CMPK1: variants seen among roughly 807,000 people sequenced by gnomAD.
CMPK1 encodes UMP-CMP kinase.
Under a neutral mutation model 25.7 loss-of-function variants are expected in CMPK1, and 10 were observed. The ratio of observed to expected loss-of-function variants is 0.39; its 90% CI spans 0.24 to 0.66. The LOEUF (loss-of-function observed/expected upper bound fraction) is 0.66. Ranked by LOEUF, CMPK1 falls within the 30% of genes least tolerant of loss-of-function variation. The pLI is 0.48. For synonymous variants in CMPK1, 106 were observed against 101.5 expected, an observed-to-expected ratio of 1.04 and a Z score of -0.27; for missense variants, 199 against 280.5, an observed-to-expected ratio of 0.71 and a Z score of 2.08.
chr1:47,348,085 T>C lies in CMPK1; in HGVS notation c.171+13969T>C, dbSNP rs115227626. On this transcript the variant is annotated intron_variant, in intron 1 of 5. Transcript: ENST00000371873. The stretch of plus-strand genomic sequence containing the variant: ...GCTAATGCAAAAGGATTGTAATCAC[T>C]GAAGACCTCCAAAAGTCACGTAGGA... Among the ~76,000 whole-genome samples the C allele has an allele frequency of 8.0e-3, 1,211 of 152,268 alleles. 13 individuals carry two copies. The highest frequency in any genetic ancestry group is 0.027 in the African/African-American group (1,136 of 41,574).
chr1:47,376,586 G>T, intron 5 of CMPK1, 118 bp from the exon 6 acceptor site: 1 of 561,900 alleles, frequency 1.8e-6, no homozygotes, highest in South Asian at 2.3e-5. Context: ...AAAGTGCTGG[G>T]ATTACAGATG....
At chr1:47,359,181 T>A (rs1038470957) in intron 1 of CMPK1, among the ~76,000 whole-genome samples, 2 of 151,566 alleles carry the variant, frequency 1.3e-5, no homozygotes, top group Admixed American at 6.6e-5. Flanking sequence ...GCCTGGCATG[T>A]TGGCGGGCGC....
chr1:47,370,008 G>A (rs1570379847), intron 2 of CMPK1, among the ~76,000 whole-genome samples: 1 of 125,158 alleles, frequency 8.0e-6, no homozygotes. Context: ...TCCGCCTCCT[G>A]GGTTCACGCC....
intron 1 of CMPK1, among the ~76,000 whole-genome samples, chr1:47,357,460 G>A (rs1646569423): frequency 6.7e-6 from 1 of 149,084 alleles, no homozygotes; most frequent in African/African-American, 2.5e-5. Flanking sequence ...CTGTGATAAC[G>A]TGATAATGGC....
intron 1 of CMPK1, among the ~76,000 whole-genome samples, chr1:47,357,038 A>G (rs557394851): frequency 6.9e-6 from 1 of 144,284 alleles, no homozygotes; most frequent in Non-Finnish European, 1.5e-5. Context: ...ATCTCGGCTC[A>G]CTATAAGCTC....
intron 1 of CMPK1, among the ~76,000 whole-genome samples, chr1:47,349,899 G>A (rs949903877): frequency 8.6e-5 from 13 of 152,008 alleles, no homozygotes; most frequent in Non-Finnish European, 1.3e-4. Context: ...TCCGCCTCCC[G>A]GTTCAAGTGA....
intron 1 of CMPK1, among the ~76,000 whole-genome samples, chr1:47,367,524 C>T (rs1646647683): frequency 6.6e-6 from 1 of 152,158 alleles, no homozygotes; most frequent in African/African-American, 2.4e-5. Flanking sequence ...CAAATCTTAA[C>T]ATCGAAGCTA....
At chr1:47,373,623 C>T (rs183390755) in intron 3 of CMPK1, among the ~76,000 whole-genome samples, 2 of 152,122 alleles carry the variant, frequency 1.3e-5, no homozygotes, top group Middle Eastern at 3.4e-3. Context: ...TGGTGAAACC[C>T]CTTCTCTACT....
chr1:47,365,271 CT>C (rs34324996), intron 1 of CMPK1, among the ~76,000 whole-genome samples: 35,226 of 137,072 alleles, frequency 0.26, 4,334 homozygotes, highest in Non-Finnish European at 0.31. Flanking sequence ...CCCTGAAGAT[CT>C]TTTTTTTTTT....
chr1:47,340,820 A>G lies in CMPK1; in HGVS notation c.171+6704A>G, dbSNP rs1646436436. On this transcript the variant is annotated intron_variant, in intron 1 of 5. Coordinates refer to ENST00000371873, the MANE Select transcript of CMPK1 (RefSeq NM_016308.3). ...GCCCGGCTAATTTTGTATTTTTAGTAGAGACGGGGTTTCTCCATGTTGGTC... is the reference window on the plus strand; with the variant it reads ...GCCCGGCTAATTTTGTATTTTTAGTGGAGACGGGGTTTCTCCATGTTGGTC... Among the ~76,000 whole-genome samples, 4 of 152,086 alleles carry G rather than the reference A, an allele frequency of 2.6e-5. No homozygotes were observed. The South Asian group carries it at 8.3e-4, about 32-fold the overall frequency.
At chr1:47,372,829 A>G in intron 2 of CMPK1, 126 bp from the exon 3 acceptor site, 1 of 476,198 alleles carries the variant, frequency 2.1e-6, no homozygotes, top group Non-Finnish European at 3.3e-6. Context: ...TTTTTTTGCT[A>G]TGTACCCTCC....
chr1:47,339,602 C>T (rs1646423982), intron 1 of CMPK1, among the ~76,000 whole-genome samples: 1 of 151,534 alleles, frequency 6.6e-6, no homozygotes, highest in South Asian at 2.1e-4. Context: ...TTTAAAAATT[C>T]GATCCCCAGA....
In CMPK1 at chr1:47,356,605, T is replaced by TAATCTATAG. The variant is rs1168835340; in HGVS notation, c.172-11864_172-11863insAATCTATAG. On this transcript the variant is annotated intron_variant, in intron 1 of 5. Coordinates refer to ENST00000371873, the MANE Select transcript of CMPK1 (RefSeq NM_016308.3). ...AAGTTGCCATAAGTTTATAGATTAATTTGTGGAAAACTGAATAATTACAGT... is the reference window on the plus strand; with the variant it reads ...AAGTTGCCATAAGTTTATAGATTAATAATCTATAGTTGTGGAAAACTGAATAATTACAGT... Among the ~76,000 whole-genome samples, 1,112 of 152,306 alleles carry TAATCTATAG rather than the reference T, an allele frequency of 7.3e-3. 4 individuals are homozygous for TAATCTATAG. Among genetic ancestry groups the TAATCTATAG allele is most frequent in the East Asian group, 0.03 (158 of 5,192 alleles).
intron 1 of CMPK1, chr1:47,358,901 A>G (rs1380994078): frequency 1.0e-6 from 1 of 985,310 alleles, no homozygotes. Flanking sequence ...TGATTATTTC[A>G]TGAAGAGGAT....
chr1:47,371,380 A>G (rs1027844765), intron 2 of CMPK1, among the ~76,000 whole-genome samples: 3 of 152,160 alleles, frequency 2.0e-5, no homozygotes, highest in Non-Finnish European at 4.4e-5. Flanking sequence ...TCCACTCTCT[A>G]CTTTTCAACC....
At chr1:47,367,015 C>T (rs1295872963) in intron 1 of CMPK1, among the ~76,000 whole-genome samples, 4 of 152,116 alleles carry the variant, frequency 2.6e-5, no homozygotes, top group African/African-American at 9.7e-5. Context: ...TGTGAGCCAC[C>T]GCACCCAGCC....
At chr1:47,342,923 C>T (rs1278225388) in intron 1 of CMPK1, among the ~76,000 whole-genome samples, 1 of 151,762 alleles carries the variant, frequency 6.6e-6, no homozygotes, top group Admixed American at 6.6e-5. Context: ...GCTAGGATTA[C>T]AGGCATAAGC....
At chr1:47,334,327 C>A (rs4600090) in intron 1 of CMPK1, among the ~76,000 whole-genome samples, 16,461 of 152,034 alleles carry the variant, frequency 0.11, 1,153 homozygotes, top group Admixed American at 0.24. Context: ...TGGGGGCCAC[C>A]GCTTGAGGTC....
intron 1 of CMPK1, among the ~76,000 whole-genome samples, chr1:47,337,657 A>G (rs1162880166): frequency 2.0e-5 from 3 of 149,502 alleles, no homozygotes; most frequent in Admixed American, 6.8e-5. Flanking sequence ...GCTGTCGGCC[A>G]GGCTGGTGTG....
Sources: allele counts gnomAD v4.1 joint callset (sites outside exome capture counted in the v4.1 genomes callset), GRCh38; gene constraint gnomAD v4.1.1; transcripts MANE v1.5; gene names NCBI Gene and HGNC (gene_info 2026-07-23, HGNC 2026-07-21).